Variants in PCDH15 observed in about 807,000 individuals in gnomAD.
The protein encoded by PCDH15 is protocadherin related 15, also known as protocadherin-15.
Under a neutral mutation model 178.5 loss-of-function variants are expected in PCDH15, and 129 were observed. That is an observed-to-expected ratio of 0.72 (90% confidence interval 0.63 to 0.84). The LOEUF is 0.84. Among genes scored for constraint, PCDH15 ranks in the 40% least tolerant of loss-of-function variants. The probability of loss-of-function intolerance (pLI) is 0.00; values close to 1 mark genes in which losing one functional copy is unlikely to be tolerated. For synonymous variants in PCDH15, 800 were observed against 732.0 expected (o/e 1.09, Z -1.50); for missense variants, 2,230 against 2,099.9 (o/e 1.06, Z -1.21).
intron 2 of PCDH15, among the ~76,000 whole-genome samples, chr10:55,597,734 G>C (rs1215731811): frequency 2.0e-5 from 3 of 152,060 alleles, no homozygotes; most frequent in Non-Finnish European, 4.4e-5. Flanking sequence ...GACTGCAAAT[G>C]ACCACTTCAG....
rs559827421 is a variant in PCDH15 at position 53,966,740 on chromosome 10, T to C, written c.2869-4848A>G. Among the ~76,000 whole-genome samples the C allele has an allele frequency of 4.6e-5, 7 of 152,088 alleles. No homozygotes were observed. The South Asian group carries it at 1.2e-3, about 27-fold the overall frequency. On this transcript the variant is annotated intron_variant, in intron 21 of 37. Coordinates refer to ENST00000644397, the MANE Select transcript of PCDH15 (RefSeq NM_001384140.1). ...TATTAAGTATCTTTTAATACTTTATTCCACTAAAATATAATAGATATGATC... is the reference window on the plus strand; with the variant it reads ...TATTAAGTATCTTTTAATACTTTATCCCACTAAAATATAATAGATATGATC...
chr10:55,569,889 A>C (rs1842373495), intron 2 of PCDH15, among the ~76,000 whole-genome samples: 1 of 151,994 alleles, frequency 6.6e-6, no homozygotes, highest in Non-Finnish European at 1.5e-5. Context: ...TGGTCTCCTG[A>C]GGCAGAGGTA....
At chr10:54,527,223 A>T (rs2132654657) in intron 3 of PCDH15, among the ~76,000 whole-genome samples, 2 of 152,272 alleles carry the variant, frequency 1.3e-5, no homozygotes, top group South Asian at 2.1e-4. Flanking sequence ...TGATAAGGAA[A>T]AAAAGTTTTT....
intron 1 of PCDH15, among the ~76,000 whole-genome samples, chr10:54,673,966 T>C (rs557948232): frequency 6.6e-6 from 1 of 152,282 alleles, no homozygotes; most frequent in East Asian, 1.9e-4. Context: ...TGAATAAAAC[T>C]AGGTTTATCC....
intron 8 of PCDH15, among the ~76,000 whole-genome samples, chr10:54,244,460 C>T (rs750197497): frequency 1.3e-5 from 2 of 152,086 alleles, no homozygotes; most frequent in Non-Finnish European, 2.9e-5. Flanking sequence ...ATAATAAAAG[C>T]CTGTAACAAA....
intron 1 of PCDH15, among the ~76,000 whole-genome samples, chr10:54,680,121 A>G (rs1412680931): frequency 1.3e-5 from 2 of 152,194 alleles, no homozygotes; most frequent in African/African-American, 4.8e-5. Flanking sequence ...CCCCCAGGAT[A>G]AAAGGGATGA....
chr10:53,891,577 C>A (rs2081555645), intron 26 of PCDH15, among the ~76,000 whole-genome samples: 1 of 152,046 alleles, frequency 6.6e-6, no homozygotes. Flanking sequence ...GGCCATTTAC[C>A]AAATAAACTA....
chr10:54,337,854 G>T (rs970283715), intron 6 of PCDH15, among the ~76,000 whole-genome samples: 3 of 152,108 alleles, frequency 2.0e-5, no homozygotes, highest in African/African-American at 7.2e-5. Context: ...GAACCTGGGT[G>T]GGAACTATAG....
chr10:55,510,455 T>C (rs1268940022), intron 2 of PCDH15, among the ~76,000 whole-genome samples: 1 of 151,994 alleles, frequency 6.6e-6, no homozygotes, highest in Non-Finnish European at 1.5e-5. Flanking sequence ...AGTCACTAGC[T>C]AACGTGTTTT....
chr10:54,732,142 G>A (rs1943493211), intron 1 of PCDH15, among the ~76,000 whole-genome samples: 1 of 151,066 alleles, frequency 6.6e-6, no homozygotes, highest in Non-Finnish European at 1.5e-5. Context: ...TGTGAATAAA[G>A]GTAATCAAAG....
intron 2 of PCDH15, among the ~76,000 whole-genome samples, chr10:54,628,056 T>C (rs1051030041): frequency 1.6e-4 from 24 of 152,234 alleles, no homozygotes; most frequent in African/African-American, 7.2e-5. Flanking sequence ...CTGCCTTTAT[T>C]TGAAATGTGT....
At chr10:55,031,226 A>G (rs1371925736) in intron 2 of PCDH15, among the ~76,000 whole-genome samples, 3 of 152,192 alleles carry the variant, frequency 2.0e-5, no homozygotes, top group African/African-American at 7.2e-5. Flanking sequence ...CAAATACATC[A>G]TAATCTGTGT....
chr10:54,474,004 A>G (rs1316156911), intron 3 of PCDH15, among the ~76,000 whole-genome samples: 13 of 151,898 alleles, frequency 8.6e-5, no homozygotes, highest in Non-Finnish European at 1.9e-4. Flanking sequence ...TTACATATAC[A>G]TCTTTTAAAC....
intron 1 of PCDH15, among the ~76,000 whole-genome samples, chr10:55,178,234 G>A (rs558469345): frequency 3.3e-5 from 5 of 152,232 alleles, no homozygotes; most frequent in East Asian, 1.9e-4. Flanking sequence ...AAACAGCCAA[G>A]GGAAATACAT....
At chr10:55,211,477 G>T (rs1840570598) in intron 1 of PCDH15, among the ~76,000 whole-genome samples, 2 of 152,016 alleles carry the variant, frequency 1.3e-5, no homozygotes, top group South Asian at 4.2e-4. Context: ...TAAACATTTA[G>T]GGAAAAAGAA....
At chr10:54,171,555 G>T (rs543674789) in intron 13 of PCDH15, among the ~76,000 whole-genome samples, 18 of 149,424 alleles carry the variant, frequency 1.2e-4, no homozygotes, top group Admixed American at 9.9e-4. Context: ...TACATGCCCT[G>T]CTCTTGTTTA....
At chr10:55,227,252 T>C (rs1268315715) in intron 1 of PCDH15, among the ~76,000 whole-genome samples, 3 of 152,086 alleles carry the variant, frequency 2.0e-5, no homozygotes, top group African/African-American at 7.3e-5. Context: ...AGAAAATCGA[T>C]AAATGTTTTT....
At chr10:54,701,736 A>G (rs77032352) in intron 1 of PCDH15, among the ~76,000 whole-genome samples, 3,016 of 152,248 alleles carry the variant, frequency 0.02, 88 homozygotes, top group African/African-American at 0.067. Context: ...AAAAGTTTCA[A>G]TTCAACAAGA....
intron 1 of PCDH15, among the ~76,000 whole-genome samples, chr10:54,787,106 T>G (rs1025478456): frequency 2.0e-5 from 3 of 151,862 alleles, no homozygotes; most frequent in African/African-American, 7.2e-5. Flanking sequence ...AAAAACTTGA[T>G]CTTGCTGTAC....
Sources: allele counts gnomAD v4.1 joint callset (sites outside exome capture counted in the v4.1 genomes callset), GRCh38; gene constraint gnomAD v4.1.1; transcripts MANE v1.5; gene names NCBI Gene and HGNC (gene_info 2026-07-23, HGNC 2026-07-21).